CLSTN2: variants seen among roughly 807,000 people sequenced by gnomAD.
CLSTN2 encodes calsyntenin 2.
A neutral mutation model predicts 101.2 loss-of-function variants in CLSTN2; 48 were observed. The ratio of observed to expected loss-of-function variants is 0.47; its 90% CI spans 0.38 to 0.60. The LOEUF (loss-of-function observed/expected upper bound fraction) is 0.60, where lower values mean the gene tolerates loss of function less well. Among genes scored for constraint, CLSTN2 ranks in the 20% least tolerant of loss-of-function variants. The probability of loss-of-function intolerance (pLI) is 0.00; values close to 1 mark genes in which losing one functional copy is unlikely to be tolerated. For missense variants in CLSTN2, 1,160 were observed against 1,238.2 expected (o/e 0.94, Z 0.95); for synonymous variants, 481 against 463.6 (o/e 1.04, Z -0.48).
chr3:140,238,458 G>C (rs1355410780), intron 2 of CLSTN2, among the ~76,000 whole-genome samples: 1 of 152,028 alleles, frequency 6.6e-6, no homozygotes, highest in Non-Finnish European at 1.5e-5. Flanking sequence ...AACCATTCTT[G>C]ATTTATTTTA....
intron 1 of CLSTN2, among the ~76,000 whole-genome samples, chr3:139,957,588 C>T (rs376554940): frequency 2.6e-5 from 4 of 152,090 alleles, no homozygotes; most frequent in African/African-American, 9.6e-5. Context: ...GGCATCCCAG[C>T]ATCTGGTAAC....
intron 1 of CLSTN2, among the ~76,000 whole-genome samples, chr3:140,090,462 G>T (rs2008759036): frequency 6.6e-6 from 1 of 151,986 alleles, no homozygotes; most frequent in Non-Finnish European, 1.5e-5. Context: ...TTATATTGAT[G>T]AATCTGCTAC....
chr3:140,560,300 A>C (rs551527629), intron 12 of CLSTN2, among the ~76,000 whole-genome samples: 3 of 152,244 alleles, frequency 2.0e-5, no homozygotes, highest in Admixed American at 1.3e-4. Context: ...GCCCCCATTG[A>C]CATTCTCTTT....
At chr3:140,183,469 G>A (rs968742784) in intron 2 of CLSTN2, among the ~76,000 whole-genome samples, 28 of 152,276 alleles carry the variant, frequency 1.8e-4, no homozygotes, top group African/African-American at 5.1e-4. Flanking sequence ...TTGAATGTAG[G>A]AATTTCAAGT....
At chr3:140,063,022 T>G (rs1443227438) in intron 1 of CLSTN2, among the ~76,000 whole-genome samples, 1 of 152,214 alleles carries the variant, frequency 6.6e-6, no homozygotes, top group African/African-American at 2.4e-5. Context: ...CCTTCACACA[T>G]TAAGTGACAA....
intron 10 of CLSTN2, among the ~76,000 whole-genome samples, chr3:140,550,939 C>A (rs1252125515): frequency 2.6e-5 from 4 of 151,732 alleles, no homozygotes; most frequent in South Asian, 4.2e-4. Flanking sequence ...ACTAGAGCAC[C>A]GTGTGAGAAG....
At chr3:140,368,324 G>A (rs1258004473) in intron 2 of CLSTN2, among the ~76,000 whole-genome samples, 1 of 152,166 alleles carries the variant, frequency 6.6e-6, no homozygotes, top group African/African-American at 2.4e-5. Flanking sequence ...CTGGCTTCCA[G>A]TTGCTTAAGC....
rs570717348 is a variant in CLSTN2 at position 140,268,811 on chromosome 3, C to T, written c.232+92738C>T. On this transcript the variant is annotated intron_variant, in intron 2 of 16. Coordinates refer to ENST00000458420, the MANE Select transcript of CLSTN2 (RefSeq NM_022131.3). ...GTGTCCTGGCTTTGATGCTGTACAACATTACGCAACCCACTTGCCCTCTCA... is the reference window on the plus strand; with the variant it reads ...GTGTCCTGGCTTTGATGCTGTACAATATTACGCAACCCACTTGCCCTCTCA... Among the ~76,000 whole-genome samples the T allele has an allele frequency of 2.0e-5, 3 of 152,276 alleles. No homozygotes were observed. The East Asian group carries it at 5.8e-4, about 29-fold the overall frequency.
chr3:140,535,501 A>C (rs565421683), intron 9 of CLSTN2, among the ~76,000 whole-genome samples: 1 of 152,378 alleles, frequency 6.6e-6, no homozygotes, highest in South Asian at 2.1e-4. Flanking sequence ...CACAGTAGAA[A>C]GAATGATGAC....
intron 1 of CLSTN2, among the ~76,000 whole-genome samples, chr3:140,104,600 T>C (rs1259986032): frequency 1.3e-5 from 2 of 152,230 alleles, no homozygotes; most frequent in African/African-American, 2.4e-5. Context: ...AAAGTGTAGC[T>C]GTTCAGAATT....
rs952309502 is a variant in CLSTN2 at position 140,423,303 on chromosome 3, C to T, written c.787+2029C>T. On this transcript the variant is annotated intron_variant, in intron 5 of 16. Transcript: ENST00000458420. ...CTGCTGTTTGCAGCTCTGGACAAATCTTGTTGGGCAAGGCCGGTGCCCATC... is the reference window on the plus strand; with the variant it reads ...CTGCTGTTTGCAGCTCTGGACAAATTTTGTTGGGCAAGGCCGGTGCCCATC... Among the ~76,000 whole-genome samples, 10 of 152,196 alleles carry T rather than the reference C, an allele frequency of 6.6e-5. 1 individual carries two copies. In the East Asian group the frequency reaches 1.5e-3, roughly 23 times the overall value.
At chr3:140,403,143 G>A (rs562375779) in intron 2 of CLSTN2, among the ~76,000 whole-genome samples, 2 of 152,308 alleles carry the variant, frequency 1.3e-5, no homozygotes, top group South Asian at 4.2e-4. Flanking sequence ...TTCACAACAT[G>A]TTCAGCTCTT....
chr3:140,340,586 G>T (rs568722836), intron 2 of CLSTN2, among the ~76,000 whole-genome samples: 62 of 152,078 alleles, frequency 4.1e-4, no homozygotes, highest in African/African-American at 1.4e-3. Flanking sequence ...TCAAATGATG[G>T]TACAGAGAGT....
In CLSTN2 at chr3:140,309,608, A is replaced by G. The variant is rs141988729; in HGVS notation, c.233-94021A>G. Among the ~76,000 whole-genome samples, 1,154 of 152,168 alleles carry G rather than the reference A, an allele frequency of 7.6e-3. 12 individuals carry two copies. The highest frequency in any genetic ancestry group is 0.026 in the African/African-American group (1,077 of 41,492). On this transcript the variant is annotated intron_variant, in intron 2 of 16. Transcript: ENST00000458420. ...AGGTAGGACCTGTGGATTCCAGCAG[A>G]CCTGCTGGGCACAGCAGGGTCCCTC...
intron 4 of CLSTN2, among the ~76,000 whole-genome samples, chr3:140,408,455 A>G (rs1232911802): frequency 6.6e-6 from 1 of 152,062 alleles, no homozygotes; most frequent in Non-Finnish European, 1.5e-5. Context: ...GCTGTCTTCT[A>G]CCCTCAGGAT....
At chr3:140,264,252 T>C (rs1212512618) in intron 2 of CLSTN2, among the ~76,000 whole-genome samples, 1 of 151,688 alleles carries the variant, frequency 6.6e-6, no homozygotes, top group Non-Finnish European at 1.5e-5. Context: ...ACTGAAACAC[T>C]GTCTTGTGTT....
rs2107754062 is a variant in CLSTN2 at position 140,017,324 on chromosome 3, G to A, written c.109+81841G>A. Among the ~76,000 whole-genome samples the A allele has an allele frequency of 2.0e-5, 3 of 152,308 alleles. No homozygotes were observed. In the South Asian group the frequency reaches 6.2e-4, roughly 32 times the overall value. On this transcript the variant is annotated intron_variant, in intron 1 of 16. Coordinates refer to ENST00000458420, the MANE Select transcript of CLSTN2 (RefSeq NM_022131.3). Reference sequence around the variant, plus strand: ...TCCTATGCATGCTGTGATACAGGAAGGTTGGGAAGTGCTTGTCAGAAGGGT... The same window carrying A: ...TCCTATGCATGCTGTGATACAGGAAAGTTGGGAAGTGCTTGTCAGAAGGGT...
chr3:139,957,929 A>T, intron 1 of CLSTN2, among the ~76,000 whole-genome samples: 1 of 152,202 alleles, frequency 6.6e-6, no homozygotes, highest in East Asian at 1.9e-4. Context: ...CCCTGTGTCA[A>T]ACTCATCAAA....
At chr3:140,232,788 T>C (rs953954007) in intron 2 of CLSTN2, among the ~76,000 whole-genome samples, 1 of 152,144 alleles carries the variant, frequency 6.6e-6, no homozygotes, top group African/African-American at 2.4e-5. Flanking sequence ...TTTAATTATC[T>C]TCACCATTGA....
Sources: allele counts gnomAD v4.1 joint callset (sites outside exome capture counted in the v4.1 genomes callset), GRCh38; gene constraint gnomAD v4.1.1; transcripts MANE v1.5; gene names NCBI Gene and HGNC (gene_info 2026-07-23, HGNC 2026-07-21).